The following GPA33 variants were observed in gnomAD, a reference collection of about 807,000 sequenced individuals.
The protein encoded by GPA33 is cell surface A33 antigen.
A neutral mutation model predicts 35.6 loss-of-function variants in GPA33; 27 were observed. The ratio of observed to expected loss-of-function variants is 0.76; its 90% CI spans 0.56 to 1.04. The LOEUF (loss-of-function observed/expected upper bound fraction) is 1.04, where lower values mean the gene tolerates loss of function less well. Among genes scored for constraint, GPA33 ranks in the 50% least tolerant of loss-of-function variants. GPA33 has a pLI of 0.00. For missense variants in GPA33, 428 were observed against 411.9 expected (o/e 1.04, Z -0.34); for synonymous variants, 176 against 164.0 (o/e 1.07, Z -0.56).
Position 167,054,043 on chromosome 1 carries a change from A to C in GPA33, c.*291T>G. ...CGCTGTGCTTCCAGGAGCTCCTGCC[A>C]ACTACGAGGGAAGTGGAGGCTGCAG... On this transcript the variant is annotated 3_prime_UTR_variant, in exon 7 of 7. Coordinates refer to ENST00000367868, the MANE Select transcript of GPA33 (RefSeq NM_005814.3). 2.4e-6 allele frequency: 1 copy of C among 419,884 alleles called. No homozygotes were observed. Among genetic ancestry groups the C allele is most frequent in the Non-Finnish European group, 4.4e-6 (1 of 229,784 alleles). 26.0% of individuals were successfully genotyped at this position (419,884 alleles called of 1,614,324 possible). A position where few individuals can be genotyped will look rare whatever the true frequency, so the allele number is the denominator to read the frequency against.
intron 3 of GPA33, among the ~76,000 whole-genome samples, chr1:167,064,311 AAAAGAAAGAAAG>A (rs35530433): frequency 3.3e-5 from 5 of 150,674 alleles, no homozygotes; most frequent in Non-Finnish European, 7.4e-5. Context: ...GAAAAAAAGA[AAAAGAAAGAAAG>A]AAAGAAAGAA....
In GPA33 at chr1:167,090,374, T is replaced by C; in HGVS notation, c.-87A>G. 8.6e-7 allele frequency: 1 copy of C among 1,162,616 alleles called. No homozygotes were observed. The highest frequency in any genetic ancestry group is 1.3e-6 in the Non-Finnish European group (1 of 779,164). The allele number at this position is 1,162,616 out of a possible 1,614,324, so 72.0% of individuals were successfully genotyped here. On this transcript the variant is annotated 5_prime_UTR_variant, in exon 1 of 7. Coordinates refer to ENST00000367868, the MANE Select transcript of GPA33 (RefSeq NM_005814.3). Reference sequence around the variant, plus strand: ...GCTGTCTGGTTAAAGCTACAGCAGCTTCTGGCCTGGCCCAACTGGAGGTCC... The same window carrying C: ...GCTGTCTGGTTAAAGCTACAGCAGCCTCTGGCCTGGCCCAACTGGAGGTCC...
Position 167,082,428 on chromosome 1 carries a change from G to T in GPA33, c.43+7817C>A, listed in dbSNP as rs150666697. ...TCACCTAACACTGGAAGATGAGAAA[G>T]CTGAGACCAGAGGGGCACAGAGGAT... On this transcript the variant is annotated intron_variant, in intron 1 of 6. Coordinates refer to ENST00000367868, the MANE Select transcript of GPA33 (RefSeq NM_005814.3). 1,178 of 407,634 alleles carry T rather than the reference G, an allele frequency of 2.9e-3. 18 individuals carry two copies. The highest frequency in any genetic ancestry group is 0.023 in the African/African-American group (1,102 of 48,256). The allele number at this position is 407,634 out of a possible 1,614,324, so 25.3% of individuals were successfully genotyped here. A position where few individuals can be genotyped will look rare whatever the true frequency, so the allele number is the denominator to read the frequency against.
chr1:167,080,682 G>C (rs769658319), intron 1 of GPA33, among the ~76,000 whole-genome samples: 14 of 152,144 alleles, frequency 9.2e-5, no homozygotes, highest in Non-Finnish European at 1.9e-4. Context: ...GTTGTGAGAG[G>C]GTTGAATGAC....
At chr1:167,056,837 G>GTA (rs1666308501) in intron 4 of GPA33, among the ~76,000 whole-genome samples, 3 of 30,400 alleles carry the variant, frequency 9.9e-5, no homozygotes, top group Middle Eastern at 0.011. Flanking sequence ...AGTGTGTGTG[G>GTA]TGAGTGTGTA....
intron 1 of GPA33, 31 bp downstream of exon 1, chr1:167,090,214 T>G: frequency 1.3e-6 from 2 of 1,566,236 alleles, no homozygotes; most frequent in East Asian, 2.2e-5. Context: ...CACCCACCCC[T>G]GGGCACTGGA....
chr1:167,054,477 G>A lies in GPA33; in HGVS notation c.828-11C>T. ...TAGGCTTCCCGGTTCCTGCAGGGCA[G>A]CAGGGGACAGAGGGGAAGGATTTGC... On this transcript the variant is annotated splice_polypyrimidine_tract_variant and intron_variant, in intron 6 of 6. Transcript: ENST00000367868. 5.0e-6 allele frequency: 8 copies of A among 1,614,092 alleles called. No individual in the cohort carries two copies. The highest frequency in any genetic ancestry group is 6.8e-6 in the Non-Finnish European group (8 of 1,179,998).
chr1:167,056,285 T>C (rs1666248640), intron 4 of GPA33, among the ~76,000 whole-genome samples: 2 of 152,216 alleles, frequency 1.3e-5, no homozygotes, highest in African/African-American at 4.8e-5. Flanking sequence ...ATGAAAATGC[T>C]TTCTAATCAG....
At chr1:167,087,908 T>TCACA (rs1491326252) in intron 1 of GPA33, among the ~76,000 whole-genome samples, 3 of 149,100 alleles carry the variant, frequency 2.0e-5, no homozygotes, top group Non-Finnish European at 3.0e-5. Flanking sequence ...CCAGACTCTG[T>TCACA]CTCACACACA....
chr1:167,090,114 TG>T, intron 1 of GPA33, 130 bp downstream of exon 1: 1 of 699,624 alleles, frequency 1.4e-6, no homozygotes, highest in Non-Finnish European at 2.6e-6. Context: ...TGTGTAATTC[TG>T]GCCCAGCAGG....
chr1:167,082,863 G>A (rs1330654463), intron 1 of GPA33, among the ~76,000 whole-genome samples: 2 of 152,188 alleles, frequency 1.3e-5, no homozygotes, highest in Admixed American at 1.3e-4. Context: ...TGAGGAAGCA[G>A]TCCAAAGGTC....
At chr1:167,067,503 A>G (rs1157917124) in intron 3 of GPA33, among the ~76,000 whole-genome samples, 3 of 152,130 alleles carry the variant, frequency 2.0e-5, no homozygotes, top group Admixed American at 2.0e-4. Context: ...AGGAAGAGGG[A>G]TCAGCATTTA....
intron 1 of GPA33, among the ~76,000 whole-genome samples, chr1:167,082,479 T>C (rs1268482677): frequency 6.6e-6 from 1 of 152,116 alleles, no homozygotes; most frequent in Non-Finnish European, 1.5e-5. Context: ...TTAGCCCCTT[T>C]GGGATTGAAG....
chr1:167,078,361 CT>C (rs1466920259), intron 1 of GPA33, among the ~76,000 whole-genome samples: 1 of 152,148 alleles, frequency 6.6e-6, no homozygotes, highest in East Asian at 1.9e-4. Context: ...ACAGTATTTG[CT>C]TATAGAAGAG....
chr1:167,065,280 C>A (rs900752036), intron 3 of GPA33, among the ~76,000 whole-genome samples: 1 of 152,164 alleles, frequency 6.6e-6, no homozygotes, highest in Non-Finnish European at 1.5e-5. Flanking sequence ...GGAAGCATGA[C>A]AGTAAACAAG....
chr1:167,081,068 C>A (rs113571186), intron 1 of GPA33, among the ~76,000 whole-genome samples: 11 of 152,196 alleles, frequency 7.2e-5, no homozygotes, highest in African/African-American at 2.6e-4. Context: ...TAAGGGGGTC[C>A]ATATGGAGAG....
In GPA33 at chr1:167,054,483, G is replaced by T; in HGVS notation, c.828-17C>A. 2 of 1,614,042 alleles carry T rather than the reference G, an allele frequency of 1.2e-6. No individual in the cohort carries two copies. The highest frequency in any genetic ancestry group is 1.7e-6 in the Non-Finnish European group (2 of 1,179,996). On this transcript the variant is annotated splice_polypyrimidine_tract_variant and intron_variant, in intron 6 of 6. Coordinates refer to ENST00000367868, the MANE Select transcript of GPA33 (RefSeq NM_005814.3). ...TCCCGGTTCCTGCAGGGCAGCAGGG[G>T]ACAGAGGGGAAGGATTTGCTCTCAG...
intron 2 of GPA33, among the ~76,000 whole-genome samples, 168 bp from the exon 3 acceptor site, chr1:167,069,306 T>C (rs1666670023): frequency 6.6e-6 from 1 of 152,160 alleles, no homozygotes; most frequent in Non-Finnish European, 1.5e-5. Context: ...GTGGATTTCT[T>C]GTATTATATA....
intron 1 of GPA33, among the ~76,000 whole-genome samples, chr1:167,076,274 C>G (rs1009680707): frequency 6.6e-6 from 1 of 151,972 alleles, no homozygotes; most frequent in Non-Finnish European, 1.5e-5. Flanking sequence ...GCTGGGGGTA[C>G]GGTGTTATGG....
Sources: allele counts gnomAD v4.1 joint callset (sites outside exome capture counted in the v4.1 genomes callset), GRCh38; gene constraint gnomAD v4.1.1; transcripts MANE v1.5; gene names NCBI Gene and HGNC (gene_info 2026-07-23, HGNC 2026-07-21).